Variants in AGPS observed in about 807,000 individuals in gnomAD.
AGPS encodes the protein alkylglycerone phosphate synthase.
AGPS carries 26 observed loss-of-function variants against 90.7 expected under a neutral mutation model. The observed-to-expected ratio is 0.29, with a 90% CI of 0.21 to 0.40. The LOEUF is 0.40. Ranked by LOEUF, AGPS falls within the 10% of genes least tolerant of loss-of-function variation. The pLI, the probability that AGPS is intolerant of heterozygous loss-of-function variation, is 1.00. For synonymous variants in AGPS, 294 were observed against 285.3 expected, an observed-to-expected ratio of 1.03 and a Z score of -0.31; for missense variants, 540 against 816.1, an observed-to-expected ratio of 0.66 and a Z score of 4.12.
chr2:177,458,210 A>G (rs1309515849), intron 8 of AGPS, among the ~76,000 whole-genome samples: 1 of 152,216 alleles, frequency 6.6e-6, no homozygotes, highest in South Asian at 2.1e-4. Flanking sequence ...AGAGCTATTT[A>G]TGACAAACCC....
chr2:177,529,223 T>G (rs561447759), intron 19 of AGPS, among the ~76,000 whole-genome samples: 7 of 152,104 alleles, frequency 4.6e-5, no homozygotes, highest in Non-Finnish European at 8.8e-5. Flanking sequence ...TCCAAACACT[T>G]TGGGAGGCCC....
In AGPS at chr2:177,442,479, C is replaced by A; in HGVS notation, c.782C>A (p.Ser261Ter). The A allele has an allele frequency of 1.2e-6, 2 of 1,604,228 alleles. No homozygotes were observed. Among genetic ancestry groups the A allele is most frequent in the Non-Finnish European group, 1.7e-6 (2 of 1,171,156 alleles). Residue 261 changes from serine to a stop codon, truncating the protein, a stop_gained, in exon 7 of 20, where the codon TCA (serine) becomes TAA (stop). Transcript: ENST00000264167. LOFTEE classifies it high-confidence loss of function. The part of the protein sequence containing the change: ...ETRTIISLDT[S>*]QMNRILWVDE... Reference sequence around the variant, plus strand: ...AGAACAATTATTTCTTTGGACACTTCACAAATGGTATTTAATAATTTGAGA... The same window carrying A: ...AGAACAATTATTTCTTTGGACACTTAACAAATGGTATTTAATAATTTGAGA...
chr2:177,469,129 T>C lies in AGPS; in HGVS notation c.1105+605T>C, dbSNP rs1256626373. Among the ~76,000 whole-genome samples the C allele has an allele frequency of 2.0e-5, 3 of 152,242 alleles. No individual in the cohort carries two copies. The East Asian group carries it at 5.8e-4, about 29-fold the overall frequency. ...AGAAGTAACCTTAAAATAATTATTA[T>C]GTAGGCATGGTGAATTGTATGGATA... On this transcript the variant is annotated intron_variant, in intron 10 of 19. Transcript: ENST00000264167.
At position 177,514,024 on chromosome 2, in the gene AGPS, A is replaced by G. The variant is rs548171197; in HGVS notation, c.1697+116A>G. On this transcript the variant is annotated intron_variant, in intron 17 of 19. Coordinates refer to ENST00000264167, the MANE Select transcript of AGPS (RefSeq NM_003659.4). The stretch of plus-strand genomic sequence containing the variant: ...AAGCTTCAGTCTATTACATTTGGCC[A>G]GCTTTCCTAACCTTCACTTACCACC... The G allele has an allele frequency of 1.2e-4, 96 of 778,468 alleles. 1 individual carries two copies. The East Asian group carries it at 2.5e-3, about 20-fold the overall frequency. The allele number at this position is 778,468 out of a possible 1,614,324, so 48.2% of individuals were successfully genotyped here. A position where few individuals can be genotyped will look rare whatever the true frequency, so the allele number is the denominator to read the frequency against.
At chr2:177,460,020 A>G (rs1687244459) in intron 8 of AGPS, among the ~76,000 whole-genome samples, 1 of 152,226 alleles carries the variant, frequency 6.6e-6, no homozygotes, top group South Asian at 2.1e-4. Flanking sequence ...TTGTGGGGAC[A>G]TGGATAAAGC....
intron 18 of AGPS, among the ~76,000 whole-genome samples, chr2:177,522,669 G>C (rs1689232297): frequency 6.6e-6 from 1 of 152,116 alleles, no homozygotes; most frequent in South Asian, 2.1e-4. Context: ...GGCCAGGCTG[G>C]TCTCAAACTC....
At chr2:177,463,343 C>T (rs1245745719) in intron 9 of AGPS, among the ~76,000 whole-genome samples, 1 of 152,156 alleles carries the variant, frequency 6.6e-6, no homozygotes, top group African/African-American at 2.4e-5. Context: ...GAGTAAAGGA[C>T]ATAAAATGAA....
chr2:177,523,872 C>A, intron 19 of AGPS, 67 bp downstream of exon 19: 1 of 1,303,656 alleles, frequency 7.7e-7, no homozygotes, highest in Non-Finnish European at 1.1e-6. Flanking sequence ...CAGTAAAATG[C>A]TAGGGAGAGA....
chr2:177,417,182 A>G (rs1685810956), intron 1 of AGPS, among the ~76,000 whole-genome samples: 1 of 152,206 alleles, frequency 6.6e-6, no homozygotes, highest in Non-Finnish European at 1.5e-5. Flanking sequence ...ACAATGTTCC[A>G]ACATTGGAAA....
At chr2:177,512,678 G>A (rs574594000) in intron 16 of AGPS, among the ~76,000 whole-genome samples, 1 of 152,146 alleles carries the variant, frequency 6.6e-6, no homozygotes, top group South Asian at 2.1e-4. Flanking sequence ...ACACAGAATC[G>A]GTGTTATTAT....
rs1685297799 is a variant in AGPS, at chr2:177,400,312, CTA to C, written c.260+7265_260+7266del. ...TCAGCTTAAAATCATAAGTCCAACT[CTA>C]TTACTCAATTACACATTTTAAATTT... is the stretch of plus-strand genomic sequence containing the variant. On this transcript the variant is annotated intron_variant, in intron 1 of 19. Coordinates refer to ENST00000264167, the MANE Select transcript of AGPS (RefSeq NM_003659.4). Among the ~76,000 whole-genome samples, 5 of 152,158 alleles carry C rather than the reference CTA, an allele frequency of 3.3e-5. No homozygotes were observed. The South Asian group carries it at 1.0e-3, about 32-fold the overall frequency.
intron 16 of AGPS, among the ~76,000 whole-genome samples, chr2:177,510,408 G>T (rs747357452): frequency 2.6e-5 from 4 of 152,148 alleles, no homozygotes; most frequent in Non-Finnish European, 5.9e-5. Flanking sequence ...TGGGGCTTAG[G>T]ATTTCAATAT....
intron 2 of AGPS, among the ~76,000 whole-genome samples, chr2:177,433,206 C>G (rs79277570): frequency 6.6e-6 from 1 of 151,984 alleles, no homozygotes; most frequent in Non-Finnish European, 1.5e-5. Context: ...AAAACAATAA[C>G]CCAGGAGGAA....
chr2:177,531,208 G>A (rs2079134237), intron 19 of AGPS, among the ~76,000 whole-genome samples: 1 of 152,086 alleles, frequency 6.6e-6, no homozygotes, highest in African/African-American at 2.4e-5. Flanking sequence ...CATATAGATT[G>A]GAAAGGAGGA....
intron 1 of AGPS, among the ~76,000 whole-genome samples, chr2:177,408,664 A>G (rs1319763641): frequency 6.6e-6 from 1 of 152,144 alleles, no homozygotes; most frequent in Admixed American, 6.5e-5. Context: ...AATTCTACTC[A>G]GGGCCATCCT....
At chr2:177,423,496 TAGA>T (rs1262103471) in intron 2 of AGPS, among the ~76,000 whole-genome samples, 1 of 152,082 alleles carries the variant, frequency 6.6e-6, no homozygotes, top group Non-Finnish European at 1.5e-5. Flanking sequence ...GATAAAATAT[TAGA>T]AGAAAGAAAT....
intron 17 of AGPS, among the ~76,000 whole-genome samples, chr2:177,519,990 G>A (rs1018610059): frequency 6.6e-6 from 1 of 152,184 alleles, no homozygotes; most frequent in African/African-American, 2.4e-5. Flanking sequence ...ACCATATAGG[G>A]TAACTTCCTG....
At chr2:177,399,152 C>A (rs923401531) in intron 1 of AGPS, among the ~76,000 whole-genome samples, 2 of 152,156 alleles carry the variant, frequency 1.3e-5, no homozygotes, top group African/African-American at 4.8e-5. Context: ...TTTTAGGCTG[C>A]AGAGAAATGG....
intron 2 of AGPS, among the ~76,000 whole-genome samples, chr2:177,431,683 T>C (rs1259611845): frequency 6.6e-6 from 1 of 152,174 alleles, no homozygotes; most frequent in Non-Finnish European, 1.5e-5. Context: ...TTTCACGTCC[T>C]TTTATAGGCT....
Sources: gnomAD v4.1 joint callset for allele counts (sites outside exome capture counted in the v4.1 genomes callset) on GRCh38, gnomAD v4.1.1 for gene constraint, MANE v1.5 for transcripts, NCBI Gene and HGNC (gene_info 2026-07-23, HGNC 2026-07-21) for gene names.